RDH13: variants seen among roughly 807,000 people sequenced by gnomAD.
The protein encoded by RDH13 is retinol dehydrogenase 13 (all-trans and 9-cis).
A neutral mutation model predicts 28.3 loss-of-function variants in RDH13; 35 were observed. That is an observed-to-expected ratio of 1.24 (90% CI 0.95 to 1.64). RDH13 has a LOEUF of 1.64. RDH13 is among the 40% of genes most tolerant of loss of function. The probability of loss-of-function intolerance (pLI) is 0.00; values close to 1 mark genes in which losing one functional copy is unlikely to be tolerated. For missense variants in RDH13, 514 were observed against 446.3 expected (o/e 1.15, Z -1.37); for synonymous variants, 229 against 198.5 (o/e 1.15, Z -1.29).
Position 55,045,176 on chromosome 19 carries a change from G to T in RDH13, c.894C>A (p.Pro298=), listed in dbSNP as rs200031603. ...FDGLKQKAPA[P]EAEDEEVARR... ...GGGCCACCTCCTCATCCTCAGCCTC[G>T]GGGGCCGGGGCCTTCTGTTTGAGTC... Residue 298 remains proline (P), a synonymous_variant, in exon 7 of 7, where the codon CCC becomes CCA. Transcript: ENST00000415061. 1 of 1,613,594 alleles carries T rather than the reference G, an allele frequency of 6.2e-7. No individual in the cohort carries two copies. Among genetic ancestry groups the T allele is most frequent in the Admixed American group, 1.7e-5 (1 of 60,006 alleles).
rs569237921 is a variant in RDH13, at chr19:55,052,101, A to AC, written c.341-3339dup. 3.3e-3 allele frequency among the ~76,000 whole-genome samples: 406 copies of AC among 123,030 alleles called. 3 individuals are homozygous for AC. The highest frequency in any genetic ancestry group is 0.013 in the African/African-American group (384 of 30,332). 80.7% of individuals were successfully genotyped at this position (123,030 alleles called of 152,430 possible). ...TTTTTTTTTTTGGACACAGGGTCTC[A>AC]CCCCGAGTGCAGTGGTACAATCAAA... is the stretch of plus-strand genomic sequence containing the variant. On this transcript the variant is annotated intron_variant, in intron 3 of 6. Coordinates refer to ENST00000415061, the MANE Select transcript of RDH13 (RefSeq NM_001145971.2).
At chr19:55,047,727 T>C (rs1299938406) in intron 5 of RDH13, among the ~76,000 whole-genome samples, 1 of 152,162 alleles carries the variant, frequency 6.6e-6, no homozygotes, top group South Asian at 2.1e-4. Context: ...ACGCTGAGCT[T>C]ACCCCGGGAG....
downstream of RDH13, chr19:55,040,472 C>G (rs2075000071): frequency 6.6e-6 from 1 of 152,220 alleles, no homozygotes; most frequent in African/African-American, 2.4e-5. Context: ...TGTATGTGCA[C>G]TTACAGGTGG....
At chr19:55,068,744 G>A (rs1296343942) in intron 1 of RDH13, 2 of 146,166 alleles carry the variant, frequency 1.4e-5, no homozygotes, top group African/African-American at 5.1e-5. Flanking sequence ...GCTGAGGCAG[G>A]AGAATGGCGT....
At chr19:55,060,145 T>C (rs1174982424) in intron 1 of RDH13, among the ~76,000 whole-genome samples, 4 of 141,946 alleles carry the variant, frequency 2.8e-5, no homozygotes, top group African/African-American at 1.0e-4. Flanking sequence ...TGAGGTGGAT[T>C]GGTAAAAGAG....
upstream of RDH13, among the ~76,000 whole-genome samples, chr19:55,064,759 C>T (rs193034873): frequency 3.2e-3 from 472 of 149,382 alleles, 3 homozygotes; most frequent in African/African-American, 9.7e-3. Flanking sequence ...GCTACAGGCA[C>T]GTGTCACCAC....
At chr19:55,053,004 G>A (rs956080549) in intron 3 of RDH13, among the ~76,000 whole-genome samples, 1 of 152,076 alleles carries the variant, frequency 6.6e-6, no homozygotes, top group East Asian at 1.9e-4. Flanking sequence ...TTGCTATGTT[G>A]CCCAGGCTGA....
Position 55,056,659 on chromosome 19 carries a change from T to C in RDH13, c.334A>G (p.Ile112Val), listed in dbSNP as rs369475253. 25 of 1,613,748 alleles carry C rather than the reference T, an allele frequency of 1.5e-5. No homozygotes were observed. The highest frequency in any genetic ancestry group is 1.8e-5 in the Non-Finnish European group (21 of 1,179,922). The change falls in exon 3 of 7, where the codon ATT (isoleucine) becomes GTT (valine). Residue 112 changes from isoleucine (I) to valine (V), a missense_variant. Ile to Val is a conservative substitution (Grantham distance 29). Coordinates refer to ENST00000415061, the MANE Select transcript of RDH13 (RefSeq NM_001145971.2). ...KSIREFAAKI[I>V]EEEERVDILI... The stretch of plus-strand genomic sequence containing the variant: ...ATGGCCAGCGTTCTCCTACCTTCAA[T>C]GATCTTTGCTGCAAACTCTCGGATA...
intron 6 of RDH13, among the ~76,000 whole-genome samples, chr19:55,045,642 C>T (rs977485206): frequency 2.0e-5 from 3 of 152,156 alleles, no homozygotes; most frequent in Non-Finnish European, 4.4e-5. Flanking sequence ...TGGCACCAGC[C>T]TCAGGTTAAG....
At chr19:55,045,614 C>A (rs1255128245) in intron 6 of RDH13, among the ~76,000 whole-genome samples, 2 of 152,184 alleles carry the variant, frequency 1.3e-5, no homozygotes, top group East Asian at 3.9e-4. Flanking sequence ...CCTTTAATAA[C>A]ATCTTATTAA....
upstream of RDH13, among the ~76,000 whole-genome samples, chr19:55,064,794 G>T (rs925523445): frequency 3.3e-5 from 5 of 149,900 alleles, no homozygotes; most frequent in Non-Finnish European, 5.9e-5. Flanking sequence ...TGTATTTTTA[G>T]TAGAGACGGG....
Position 55,044,753 on chromosome 19 carries a change from C to A in RDH13, c.*321G>T, listed in dbSNP as rs974159452. 2 of 379,282 alleles carry A rather than the reference C, an allele frequency of 5.3e-6. No homozygotes were observed. 23.5% of individuals were successfully genotyped at this position (379,282 alleles called of 1,614,324 possible). On this transcript the variant is annotated 3_prime_UTR_variant, in exon 7 of 7. Transcript: ENST00000415061. ...CCTTGGAACCCTCCCCGACAGGCAC[C>A]GCTGGCTCTCCTGACGTGGCCTGCA...
chr19:55,061,485 A>G (rs1419075431), intron 1 of RDH13, among the ~76,000 whole-genome samples: 2 of 151,672 alleles, frequency 1.3e-5, no homozygotes, highest in East Asian at 3.9e-4. Flanking sequence ...CCCTCTTATA[A>G]GGACCCTATA....
At chr19:55,059,007 T>C (rs2075725791) in intron 2 of RDH13, 150 bp downstream of exon 2, 1 of 627,302 alleles carries the variant, frequency 1.6e-6, no homozygotes. Context: ...GGCTGAATCA[T>C]ATGCCCCTGT....
chr19:55,040,061 C>T (rs1296200606), downstream of RDH13, among the ~76,000 whole-genome samples: 15 of 152,036 alleles, frequency 9.9e-5, no homozygotes, highest in Admixed American at 8.5e-4. Flanking sequence ...TAATAGGGAG[C>T]GCTTAGGTTG....
At chr19:55,068,190 A>C (rs1312890275) in intron 1 of RDH13, among the ~76,000 whole-genome samples, 1 of 148,228 alleles carries the variant, frequency 6.7e-6, no homozygotes, top group African/African-American at 2.5e-5. Flanking sequence ...TCTCCCCCCA[A>C]CTCTCTCTCC....
At chr19:55,045,588 A>C (rs1022043415) in intron 6 of RDH13, among the ~76,000 whole-genome samples, 1 of 151,778 alleles carries the variant, frequency 6.6e-6, no homozygotes, top group African/African-American at 2.4e-5. Context: ...CCCAGTCCTC[A>C]CCCTACCCCA....
intron 6 of RDH13, among the ~76,000 whole-genome samples, chr19:55,045,557 G>A (rs1409293327): frequency 6.6e-6 from 1 of 152,124 alleles, no homozygotes; most frequent in East Asian, 1.9e-4. Flanking sequence ...GAAAATGGAA[G>A]CTCTCTTCCT....
At chr19:55,061,475 C>G (rs376786929) in intron 1 of RDH13, among the ~76,000 whole-genome samples, 1 of 152,036 alleles carries the variant, frequency 6.6e-6, no homozygotes, top group Non-Finnish European at 1.5e-5. Flanking sequence ...GCCTCCTGCT[C>G]CCTCTTATAA....
Sources: allele counts gnomAD v4.1 joint callset (sites outside exome capture counted in the v4.1 genomes callset), GRCh38; gene constraint gnomAD v4.1.1; transcripts MANE v1.5; gene names NCBI Gene and HGNC (gene_info 2026-07-23, HGNC 2026-07-21).